SCCPDH: variants seen among roughly 807,000 people sequenced by gnomAD.
SCCPDH encodes the protein saccharopine dehydrogenase (putative), also known as saccharopine dehydrogenase-like oxidoreductase.
A neutral mutation model predicts 51.5 loss-of-function variants in SCCPDH; 34 were observed. The ratio of observed to expected loss-of-function variants is 0.66; its 90% CI spans 0.50 to 0.88. SCCPDH has a LOEUF of 0.88. Ranked by LOEUF, SCCPDH falls within the 40% of genes least tolerant of loss-of-function variation. The pLI is 0.00. For synonymous variants in SCCPDH, 187 were observed against 191.3 expected (o/e 0.98, Z 0.19); for missense variants, 464 against 527.1 (o/e 0.88, Z 1.17).
chr1:246,763,075 T>C (rs979724713), intron 9 of SCCPDH, among the ~76,000 whole-genome samples: 1 of 152,118 alleles, frequency 6.6e-6, no homozygotes, highest in Non-Finnish European at 1.5e-5. Context: ...GTGATGCTAA[T>C]GTGCTGCCAG....
chr1:246,746,460 AT>A (rs1054539399), intron 5 of SCCPDH, among the ~76,000 whole-genome samples: 1 of 152,152 alleles, frequency 6.6e-6, no homozygotes, highest in Admixed American at 6.5e-5. Context: ...TGTGGATTTC[AT>A]TTCTGCCTTT....
Position 246,767,815 on chromosome 1 carries a change from T to C in SCCPDH, c.*515T>C, listed in dbSNP as rs1415582347. ...TTGGACTGTTACCTAAGTTGAAAAA[T>C]AAAAGGTTGTCAATCGAATGGTGGT... is the stretch of plus-strand genomic sequence containing the variant. On this transcript the variant is annotated 3_prime_UTR_variant, in exon 12 of 12. Coordinates refer to ENST00000366510, the MANE Select transcript of SCCPDH (RefSeq NM_016002.3). 1 of 152,196 alleles carries C rather than the reference T, an allele frequency of 6.6e-6. No homozygotes were observed. Among genetic ancestry groups the C allele is most frequent in the Non-Finnish European group, 1.5e-5 (1 of 68,032 alleles). The allele number at this position is 152,196 out of a possible 1,614,324, so 9.4% of individuals were successfully genotyped here.
At chr1:246,726,564 A>G (rs1165871975) in intron 1 of SCCPDH, among the ~76,000 whole-genome samples, 1 of 152,176 alleles carries the variant, frequency 6.6e-6, no homozygotes, top group Non-Finnish European at 1.5e-5. Context: ...TTGGAGAGGA[A>G]GTCTGGATAG....
intron 3 of SCCPDH, among the ~76,000 whole-genome samples, chr1:246,737,561 C>A (rs1373135264): frequency 6.6e-6 from 1 of 152,034 alleles, no homozygotes; most frequent in Non-Finnish European, 1.5e-5. Flanking sequence ...GCTTTTAAGT[C>A]ATCTAGAAAC....
intron 5 of SCCPDH, among the ~76,000 whole-genome samples, chr1:246,753,549 C>T (rs61852488): frequency 0.046 from 7,000 of 152,010 alleles, 196 homozygotes; most frequent in African/African-American, 0.058. Flanking sequence ...ATTCTTTAAT[C>T]CCCTTTATTA....
chr1:246,740,359 G>GC, intron 4 of SCCPDH, 58 bp downstream of exon 4: 1 of 1,404,652 alleles, frequency 7.1e-7, no homozygotes, highest in South Asian at 1.6e-5. Context: ...AAGGCTTCAT[G>GC]TTTCTAACTG....
chr1:246,757,529 G>A (rs1026237849), intron 5 of SCCPDH, among the ~76,000 whole-genome samples: 3 of 152,144 alleles, frequency 2.0e-5, no homozygotes, highest in Admixed American at 1.3e-4. Context: ...TGAAAAATCA[G>A]TGAATAAATG....
At chr1:246,750,916 T>A (rs1668842170) in intron 5 of SCCPDH, among the ~76,000 whole-genome samples, 1 of 152,228 alleles carries the variant, frequency 6.6e-6, no homozygotes. Flanking sequence ...AGCAACTGTC[T>A]GTAACCCGTT....
intron 1 of SCCPDH, among the ~76,000 whole-genome samples, chr1:246,725,894 G>T (rs945843006): frequency 7.2e-5 from 11 of 152,132 alleles, no homozygotes; most frequent in African/African-American, 2.7e-4. Flanking sequence ...TTTCTTATGA[G>T]CCTGTGTGTG....
chr1:246,731,280 A>G (rs980208222), intron 2 of SCCPDH, among the ~76,000 whole-genome samples: 2 of 152,248 alleles, frequency 1.3e-5, no homozygotes, highest in Admixed American at 6.5e-5. Flanking sequence ...CAGATTACTC[A>G]AAGAAGTGGG....
chr1:246,759,093 A>G lies in SCCPDH; in HGVS notation c.755A>G (p.Asp252Gly). The G allele has an allele frequency of 6.2e-7, 1 of 1,612,802 alleles. No individual in the cohort carries two copies. Among genetic ancestry groups the G allele is most frequent in the South Asian group, 1.1e-5 (1 of 91,056 alleles). The part of the protein sequence containing the change: ...KGYSIPFMGS[D>G]VSVVRRTQRY... ...TATTCCATTCCTTTTATGGGATCTG[A>G]TGTGTCTGTTGTAAGGAGGACTCAA... is the stretch of plus-strand genomic sequence containing the variant. The change falls in exon 7 of 12, where the codon GAT becomes GGT. Residue 252 changes from aspartate to glycine, a missense_variant. Coordinates refer to ENST00000366510, the MANE Select transcript of SCCPDH (RefSeq NM_016002.3).
chr1:246,738,851 T>TCAAAA (rs1668637203), intron 3 of SCCPDH, among the ~76,000 whole-genome samples: 1 of 152,214 alleles, frequency 6.6e-6, no homozygotes, highest in Admixed American at 6.5e-5. Context: ...AGACTCCGTC[T>TCAAAA]CAAAACAAAA....
At chr1:246,730,349 C>T (rs1457952545) in intron 2 of SCCPDH, among the ~76,000 whole-genome samples, 1 of 152,224 alleles carries the variant, frequency 6.6e-6, no homozygotes, top group Non-Finnish European at 1.5e-5. Flanking sequence ...CTCCTGTCCA[C>T]CAGCTTCACC....
intron 3 of SCCPDH, among the ~76,000 whole-genome samples, chr1:246,736,292 T>C (rs368568685): frequency 3.3e-5 from 5 of 152,358 alleles, no homozygotes; most frequent in African/African-American, 9.6e-5. Flanking sequence ...CTTATAGGTC[T>C]GTGCTTATTA....
chr1:246,750,199 G>A (rs775449656), intron 5 of SCCPDH, among the ~76,000 whole-genome samples: 6 of 152,122 alleles, frequency 3.9e-5, no homozygotes, highest in Non-Finnish European at 5.9e-5. Context: ...CTTTTGACAA[G>A]GACACGGTCC....
chr1:246,759,083 A>G lies in SCCPDH; in HGVS notation c.745A>G (p.Met249Val). ...RELKGYSIPF[M>V]GSDVSVVRRT... ...ACTCAAAGGTTATTCCATTCCTTTT[A>G]TGGGATCTGATGTGTCTGTTGTAAG... is the stretch of plus-strand genomic sequence containing the variant. The change falls in exon 7 of 12, where the codon ATG (methionine) becomes GTG (valine). Residue 249 changes from methionine to valine, a missense_variant. Met to Val is a conservative substitution (Grantham distance 21). Coordinates refer to ENST00000366510, the MANE Select transcript of SCCPDH (RefSeq NM_016002.3). 7 of 1,612,776 alleles carry G rather than the reference A, an allele frequency of 4.3e-6. No individual in the cohort carries two copies. Among genetic ancestry groups the G allele is most frequent in the Non-Finnish European group, 5.1e-6 (6 of 1,178,746 alleles).
At chr1:246,736,529 A>C (rs993756392) in intron 3 of SCCPDH, among the ~76,000 whole-genome samples, 2 of 152,050 alleles carry the variant, frequency 1.3e-5, no homozygotes, top group East Asian at 3.9e-4. Context: ...GTGAAACCCC[A>C]TGTCTACTAA....
chr1:246,754,424 C>T (rs1668899679), intron 5 of SCCPDH, among the ~76,000 whole-genome samples: 1 of 152,166 alleles, frequency 6.6e-6, no homozygotes, highest in Admixed American at 6.5e-5. Context: ...CCCGGGCGGG[C>T]CCCCAAATTT....
At chr1:246,761,209 A>G (rs1327080995) in intron 9 of SCCPDH, among the ~76,000 whole-genome samples, 1 of 152,168 alleles carries the variant, frequency 6.6e-6, no homozygotes, top group Non-Finnish European at 1.5e-5. Context: ...TAATGTAGGC[A>G]CTGTGCAGGA....
Sources: allele counts gnomAD v4.1 joint callset (sites outside exome capture counted in the v4.1 genomes callset), GRCh38; gene constraint gnomAD v4.1.1; transcripts MANE v1.5; gene names NCBI Gene and HGNC (gene_info 2026-07-23, HGNC 2026-07-21).